Variants in IQCJ observed in about 807,000 individuals in gnomAD.
IQCJ encodes IQ motif containing J.
In IQCJ, 9 loss-of-function variants were observed where a neutral mutation model predicts 11.0. That is an observed-to-expected ratio of 0.82 (90% CI 0.49 to 1.43). IQCJ has a LOEUF of 1.43. IQCJ is among the 40% of genes most tolerant of loss of function. The pLI is 0.00. For missense variants in IQCJ, 146 were observed against 133.2 expected (o/e 1.10, Z -0.47); for synonymous variants, 55 against 51.3 (o/e 1.07, Z -0.31).
At chr3:159,086,525 G>A (rs984338198) in intron 1 of IQCJ, among the ~76,000 whole-genome samples, 4 of 152,144 alleles carry the variant, frequency 2.6e-5, no homozygotes, top group Admixed American at 6.5e-5. Flanking sequence ...CTATTTTCAC[G>A]ATATTGATTC....
At position 159,163,335 on chromosome 3, in the gene IQCJ, T is replaced by G. The variant is rs141411326; in HGVS notation, c.10-82508T>G. Among the ~76,000 whole-genome samples, 985 of 152,228 alleles carry G rather than the reference T, an allele frequency of 6.5e-3. 8 individuals are homozygous for G. The highest frequency in any genetic ancestry group is 0.022 in the African/African-American group (922 of 41,522). On this transcript the variant is annotated intron_variant, in intron 1 of 3. Transcript: ENST00000397832. ...CAAAGACAAAAACCACATGACTATC[T>G]CAATAGATGCAGAAAAGGCCTTTGA...
At chr3:159,171,327 A>G (rs1171073290) in intron 1 of IQCJ, among the ~76,000 whole-genome samples, 5 of 152,190 alleles carry the variant, frequency 3.3e-5, no homozygotes, top group South Asian at 2.1e-4. Flanking sequence ...ATATTTAGAC[A>G]TTATAGATGG....
At chr3:159,106,300 G>T (rs1473550924) in intron 1 of IQCJ, among the ~76,000 whole-genome samples, 2 of 152,104 alleles carry the variant, frequency 1.3e-5, no homozygotes, top group Admixed American at 6.5e-5. Context: ...ATAGCCCAGG[G>T]CTCAGAGGAG....
At chr3:159,253,302 C>A (rs1477856552) in intron 3 of IQCJ, among the ~76,000 whole-genome samples, 2 of 151,980 alleles carry the variant, frequency 1.3e-5, no homozygotes, top group Non-Finnish European at 2.9e-5. Context: ...TTAAGATACC[C>A]AAATGTAAGC....
intron 1 of IQCJ, among the ~76,000 whole-genome samples, chr3:159,245,424 G>A (rs1474234816): frequency 1.4e-5 from 2 of 141,864 alleles, no homozygotes; most frequent in Admixed American, 1.4e-4. Flanking sequence ...ATTTTTGTGT[G>A]TTTAAACACT....
At chr3:159,228,043 A>T (rs1725963279) in intron 1 of IQCJ, among the ~76,000 whole-genome samples, 1 of 152,176 alleles carries the variant, frequency 6.6e-6, no homozygotes, top group African/African-American at 2.4e-5. Context: ...AATAGTAGAG[A>T]TTCCATTCCA....
rs141867856 is a variant in IQCJ at position 159,089,335 on chromosome 3, T to C, written c.9+19894T>C. Among the ~76,000 whole-genome samples the C allele has an allele frequency of 1.1e-4, 16 of 152,296 alleles. No individual in the cohort carries two copies. The East Asian group carries it at 2.1e-3, about 20-fold the overall frequency. ...CCTTTGAGGATAACCTGACCTTTCT[T>C]TCTGGCTGCCCTTAACATTTTTTCC... On this transcript the variant is annotated intron_variant, in intron 1 of 3. Transcript: ENST00000397832.
chr3:159,202,423 TTC>T (rs1443043600), intron 1 of IQCJ, among the ~76,000 whole-genome samples: 1 of 152,178 alleles, frequency 6.6e-6, no homozygotes, highest in African/African-American at 2.4e-5. Flanking sequence ...GTTCCTCAGT[TTC>T]TGTCCTCTGG....
intron 1 of IQCJ, among the ~76,000 whole-genome samples, chr3:159,242,127 C>A (rs1403256720): frequency 1.3e-5 from 2 of 152,030 alleles, no homozygotes; most frequent in African/African-American, 2.4e-5. Flanking sequence ...ACCCCAAGAC[C>A]AATATGGCTA....
chr3:159,131,383 C>T (rs1719979495), intron 1 of IQCJ, among the ~76,000 whole-genome samples: 1 of 151,960 alleles, frequency 6.6e-6, no homozygotes, highest in Admixed American at 6.6e-5. Context: ...CTGAATGCCT[C>T]ATCCAGCTCC....
intron 1 of IQCJ, among the ~76,000 whole-genome samples, chr3:159,145,555 AT>A (rs1454793024): frequency 1.3e-5 from 2 of 149,114 alleles, no homozygotes; most frequent in Non-Finnish European, 3.0e-5. Flanking sequence ...GATTCTTGAA[AT>A]AGTTTCCCTT....
At chr3:159,159,964 A>G (rs1721745622) in intron 1 of IQCJ, among the ~76,000 whole-genome samples, 1 of 152,182 alleles carries the variant, frequency 6.6e-6, no homozygotes, top group African/African-American at 2.4e-5. Context: ...TACAGCCTGC[A>G]GAACTGTGAG....
chr3:159,176,451 A>T (rs1053828335), intron 1 of IQCJ, among the ~76,000 whole-genome samples: 17 of 152,190 alleles, frequency 1.1e-4, no homozygotes, highest in Non-Finnish European at 4.4e-5. Flanking sequence ...TACACTTAAC[A>T]GTGATACATA....
intron 1 of IQCJ, among the ~76,000 whole-genome samples, chr3:159,137,486 C>G (rs1468792540): frequency 6.6e-6 from 1 of 152,086 alleles, no homozygotes; most frequent in Admixed American, 6.6e-5. Flanking sequence ...AAACTCTTCC[C>G]TTGAATTTTC....
chr3:159,231,518 TG>T (rs1726247795), intron 1 of IQCJ, among the ~76,000 whole-genome samples: 2 of 152,206 alleles, frequency 1.3e-5, no homozygotes, highest in Admixed American at 1.3e-4. Flanking sequence ...GATGTGCTGC[TG>T]GATTTGGTTT....
intron 1 of IQCJ, among the ~76,000 whole-genome samples, chr3:159,221,074 G>A (rs953227464): frequency 3.3e-5 from 5 of 152,116 alleles, no homozygotes; most frequent in African/African-American, 1.2e-4. Flanking sequence ...GGTAATTTAG[G>A]AAGTCAGAAA....
intron 1 of IQCJ, among the ~76,000 whole-genome samples, chr3:159,187,548 C>T (rs549836997): frequency 2.2e-4 from 33 of 152,370 alleles, no homozygotes; most frequent in African/African-American, 6.3e-4. Flanking sequence ...CACCATGCTC[C>T]GCGCGGTCAG....
intron 1 of IQCJ, among the ~76,000 whole-genome samples, chr3:159,070,531 A>G (rs988090257): frequency 1.3e-5 from 2 of 152,150 alleles, no homozygotes; most frequent in African/African-American, 2.4e-5. Flanking sequence ...AATGTGCTAT[A>G]TGCTTAAAAA....
chr3:159,233,666 A>G (rs1726402806), intron 1 of IQCJ, among the ~76,000 whole-genome samples: 1 of 152,202 alleles, frequency 6.6e-6, no homozygotes. Context: ...TGAGGCTCAA[A>G]GGAGTCACAC....
Sources: gnomAD v4.1 joint callset for allele counts (sites outside exome capture counted in the v4.1 genomes callset) on GRCh38, gnomAD v4.1.1 for gene constraint, MANE v1.5 for transcripts, NCBI Gene and HGNC (gene_info 2026-07-23, HGNC 2026-07-21) for gene names.